AP4E1: variants seen among roughly 807,000 people sequenced by gnomAD.
AP4E1 encodes AP-4 complex subunit epsilon-1.
AP4E1 carries 56 observed loss-of-function variants against 128.2 expected under a neutral mutation model. The ratio of observed to expected loss-of-function variants is 0.44; its 90% CI spans 0.35 to 0.55. The LOEUF (loss-of-function observed/expected upper bound fraction) is 0.55, where lower values mean the gene tolerates loss of function less well. Among genes scored for constraint, AP4E1 ranks in the 20% least tolerant of loss-of-function variants. AP4E1 has a pLI of 0.00. For missense variants in AP4E1, 1,324 were observed against 1,307.7 expected (o/e 1.01, Z -0.19); for synonymous variants, 484 against 473.1 (o/e 1.02, Z -0.30).
intron 3 of AP4E1, among the ~76,000 whole-genome samples, chr15:50,916,922 A>G (rs918368227): frequency 1.3e-5 from 2 of 152,136 alleles, no homozygotes; most frequent in African/African-American, 4.8e-5. Context: ...GAGGCTTCAA[A>G]TTAGTTTTTA....
chr15:50,970,721 C>T (rs867484341), intron 15 of AP4E1, among the ~76,000 whole-genome samples: 9 of 152,096 alleles, frequency 5.9e-5, no homozygotes, highest in Non-Finnish European at 1.2e-4. Flanking sequence ...ACGTCTTTTT[C>T]CAACCCCCCA....
At chr15:50,912,256 T>C (rs2063574821) in intron 2 of AP4E1, 107 bp downstream of exon 2, 2 of 1,031,712 alleles carry the variant, frequency 1.9e-6, no homozygotes, top group Non-Finnish European at 3.1e-6. Context: ...TGATTTATCA[T>C]AGTCAAAATG....
rs770104383 is a variant in AP4E1 at position 50,997,633 on chromosome 15, T to A, written c.2654T>A (p.Ile885Asn). 1.9e-6 allele frequency: 3 copies of A among 1,614,048 alleles called. No individual in the cohort carries two copies. Among genetic ancestry groups the A allele is most frequent in the South Asian group, 1.1e-5 (1 of 91,078 alleles). Residue 885 changes from isoleucine (I) to asparagine (N), a missense_variant, in exon 18 of 21, where the codon ATT becomes AAT. By Grantham distance (149) the Ile-to-Asn change is moderately radical (BLOSUM62 -3). Coordinates refer to ENST00000261842, the MANE Select transcript of AP4E1 (RefSeq NM_007347.5). ...PSLFANNNME[I>N]FHPPQSTAAS... The stretch of plus-strand genomic sequence containing the variant: ...TTGTTTGCTAATAACAACATGGAAA[T>A]TTTTCACCCTCCTCAATCTACTGCA...
In AP4E1 at chr15:50,946,712, A is replaced by G. The variant is rs80145261; in HGVS notation, c.1177-1308A>G. Among the ~76,000 whole-genome samples, 879 of 152,338 alleles carry G rather than the reference A, an allele frequency of 5.8e-3. 7 individuals are homozygous for G. The highest frequency in any genetic ancestry group is 0.02 in the African/African-American group (835 of 41,582). On this transcript the variant is annotated intron_variant, in intron 10 of 20. Transcript: ENST00000261842. ...TAATATTGCTGATCCTAAAACACCA[A>G]TAAATGATGCTTTCTCAGTATTTCT... is the stretch of plus-strand genomic sequence containing the variant.
intron 15 of AP4E1, among the ~76,000 whole-genome samples, chr15:50,972,844 G>A (rs2064499733): frequency 6.6e-6 from 1 of 152,162 alleles, no homozygotes; most frequent in Admixed American, 6.5e-5. Context: ...TGGGGATGGG[G>A]GGCATGTCTT....
chr15:50,940,533 G>C (rs916313727), intron 8 of AP4E1, among the ~76,000 whole-genome samples: 1 of 152,146 alleles, frequency 6.6e-6, no homozygotes, highest in African/African-American at 2.4e-5. Context: ...TGGAAATAGA[G>C]AAGGAGTGAT....
At chr15:50,919,785 T>C (rs974920895) in intron 3 of AP4E1, among the ~76,000 whole-genome samples, 39 of 151,648 alleles carry the variant, frequency 2.6e-4, no homozygotes, top group African/African-American at 8.7e-4. Flanking sequence ...TTTAAAGATA[T>C]AATTTATGGG....
At position 50,962,889 on chromosome 15, in the gene AP4E1, C is replaced by CAAAAAAAAAAAAAA. The variant is rs71127168; in HGVS notation, c.1851+4109_1851+4122dup. On this transcript the variant is annotated intron_variant, in intron 14 of 20. Coordinates refer to ENST00000261842, the MANE Select transcript of AP4E1 (RefSeq NM_007347.5). ...ATATATAAGGAACTCAATTCAACAG[C>CAAAAAAAAAAAAAA]AAAAAAAAAAAAAAAAAAAAAAAAA... Among the ~76,000 whole-genome samples the CAAAAAAAAAAAAAA allele has an allele frequency of 2.3e-4, 9 of 38,720 alleles. 1 individual carries two copies. Among genetic ancestry groups the CAAAAAAAAAAAAAA allele is most frequent in the African/African-American group, 9.2e-4 (8 of 8,730 alleles). The allele number at this position is 38,720 out of a possible 152,430, so 25.4% of individuals were successfully genotyped here. A position where few individuals can be genotyped will look rare whatever the true frequency, so the allele number is the denominator to read the frequency against.
chr15:50,976,399 A>G (rs1168546465), intron 15 of AP4E1, among the ~76,000 whole-genome samples: 5 of 152,226 alleles, frequency 3.3e-5, no homozygotes, highest in Admixed American at 3.3e-4. Flanking sequence ...TAAAGACCAT[A>G]TATGATAAAC....
Position 50,912,136 on chromosome 15 carries a change from C to G in AP4E1, c.209C>G (p.Pro70Arg). ...LSSLKATVSA[P>R]TTTLKMMKEC... ...AGTCTGAAAGCGACTGTTTCTGCTC[C>G]TACTACAACACTGGTAGGTTTGCAT... Residue 70 changes from proline to arginine, a missense_variant, in exon 2 of 21, where the codon CCT becomes CGT. By Grantham distance (103) the Pro-to-Arg change is moderately radical (BLOSUM62 -2). Coordinates refer to ENST00000261842, the MANE Select transcript of AP4E1 (RefSeq NM_007347.5). 1 of 1,614,050 alleles carries G rather than the reference C, an allele frequency of 6.2e-7. No individual in the cohort carries two copies. The highest frequency in any genetic ancestry group is 8.5e-7 in the Non-Finnish European group (1 of 1,179,944).
intron 14 of AP4E1, among the ~76,000 whole-genome samples, chr15:50,961,508 T>C (rs1227022558): frequency 6.6e-6 from 1 of 151,888 alleles, no homozygotes; most frequent in Admixed American, 6.6e-5. Flanking sequence ...ACAAAAACCA[T>C]ATGATCATCT....
At position 50,925,145 on chromosome 15, in the gene AP4E1, T is replaced by A; in HGVS notation, c.468T>A (p.Val156=). ...NLVEVCMALT[V]VSQIFPCEMI... ...TAGAAGTGTGTATGGCACTGACTGTTGTTAGCCAGATTTTCCCCTGCGAAA... is the reference window on the plus strand; with the variant it reads ...TAGAAGTGTGTATGGCACTGACTGTAGTTAGCCAGATTTTCCCCTGCGAAA... Residue 156 remains valine (V), a synonymous_variant, in exon 5 of 21, where the codon GTT becomes GTA. Coordinates refer to ENST00000261842, the MANE Select transcript of AP4E1 (RefSeq NM_007347.5). 2 of 1,614,008 alleles carry A rather than the reference T, an allele frequency of 1.2e-6. No homozygotes were observed. Among genetic ancestry groups the A allele is most frequent in the South Asian group, 2.2e-5 (2 of 91,076 alleles).
At chr15:50,947,866 A>G (rs967966595) in intron 10 of AP4E1, among the ~76,000 whole-genome samples, 154 bp from the exon 11 acceptor site, 4 of 152,330 alleles carry the variant, frequency 2.6e-5, no homozygotes, top group East Asian at 1.9e-4. Flanking sequence ...TAAGCTTTTC[A>G]TTGAAATTTG....
intron 3 of AP4E1, among the ~76,000 whole-genome samples, chr15:50,917,170 C>T (rs1461970220): frequency 6.6e-6 from 1 of 152,100 alleles, no homozygotes; most frequent in Admixed American, 6.6e-5. Flanking sequence ...AGAAGGAAAA[C>T]ATCAAAAAGG....
chr15:50,908,388 C>G (rs1317825394), upstream of AP4E1, among the ~76,000 whole-genome samples: 1 of 152,158 alleles, frequency 6.6e-6, no homozygotes, highest in Non-Finnish European at 1.5e-5. Flanking sequence ...GAAGACGCAA[C>G]TCCTGACGCG....
Position 50,968,267 on chromosome 15 carries a change from A to G in AP4E1, c.1856A>G (p.Asp619Gly). 1 of 1,610,436 alleles carries G rather than the reference A, an allele frequency of 6.2e-7. No homozygotes were observed. Among genetic ancestry groups the G allele is most frequent in the Non-Finnish European group, 8.5e-7 (1 of 1,177,372 alleles). The change falls in exon 15 of 21, where the codon GAT becomes GGT. Residue 619 changes from aspartate to glycine, a missense_variant. Asp to Gly is a moderately conservative substitution (Grantham distance 94). Coordinates refer to ENST00000261842, the MANE Select transcript of AP4E1 (RefSeq NM_007347.5). ...TTTTGCTTAATTTTAATATAGGTAG[A>G]TGCTTCTTTATCTTTTCTGGATGGT... is the stretch of plus-strand genomic sequence containing the variant. ...VDRSCEDLVV[D>G]ASLSFLDGFV... is the part of the protein sequence containing the mutation.
At chr15:50,907,661 A>G (rs548595516), upstream of AP4E1, among the ~76,000 whole-genome samples, 2 of 152,296 alleles carry the variant, frequency 1.3e-5, no homozygotes, top group Non-Finnish European at 2.9e-5. Context: ...TCCAGGATAC[A>G]TTTTACCAGC....
Position 50,921,028 on chromosome 15 carries a change from C to T in AP4E1, c.347-2903C>T, listed in dbSNP as rs140301732. 3.0e-4 allele frequency among the ~76,000 whole-genome samples: 46 copies of T among 151,478 alleles called. 1 individual carries two copies. The East Asian group carries it at 8.9e-3, about 29-fold the overall frequency. ...ATGTTGGCCAGGCTGGTCTCGAACTCCTGATCTCAGTTGATCCACCCACCT... is the reference window on the plus strand; with the variant it reads ...ATGTTGGCCAGGCTGGTCTCGAACTTCTGATCTCAGTTGATCCACCCACCT... On this transcript the variant is annotated intron_variant, in intron 3 of 20. Transcript: ENST00000261842.
intron 1 of AP4E1, among the ~76,000 whole-genome samples, chr15:50,909,364 C>T (rs902785490): frequency 1.3e-5 from 2 of 152,146 alleles, no homozygotes; most frequent in South Asian, 2.1e-4. Context: ...TTCCTTCTCT[C>T]CCCCGGTGCC....
Sources: allele counts gnomAD v4.1 joint callset (sites outside exome capture counted in the v4.1 genomes callset), GRCh38; gene constraint gnomAD v4.1.1; transcripts MANE v1.5; gene names NCBI Gene and HGNC (gene_info 2026-07-23, HGNC 2026-07-21).